Variants in ASXL3 observed in about 807,000 individuals in gnomAD.
ASXL3 encodes putative Polycomb group protein ASXL3.
A neutral mutation model predicts 170.6 loss-of-function variants in ASXL3; 34 were observed. The observed-to-expected ratio is 0.20, with a 90% confidence interval of 0.15 to 0.27. The LOEUF (loss-of-function observed/expected upper bound fraction) is 0.27. Ranked by LOEUF, ASXL3 falls within the 10% of genes least tolerant of loss-of-function variation. The pLI, the probability that ASXL3 is intolerant of heterozygous loss-of-function variation, is 1.00. For missense variants in ASXL3, 2,592 were observed against 2,695.3 expected, an observed-to-expected ratio of 0.96 and a Z score of 0.85; for synonymous variants, 1,002 against 989.1, an observed-to-expected ratio of 1.01 and a Z score of -0.24.
chr18:33,714,775 A>T (rs916129374), intron 8 of ASXL3, among the ~76,000 whole-genome samples: 1 of 151,664 alleles, frequency 6.6e-6, no homozygotes, highest in African/African-American at 2.4e-5. Flanking sequence ...CATCTGACAC[A>T]CATGAATTCA....
chr18:33,592,211 T>A (rs2065084284), intron 1 of ASXL3, among the ~76,000 whole-genome samples: 1 of 152,164 alleles, frequency 6.6e-6, no homozygotes, highest in African/African-American at 2.4e-5. Flanking sequence ...AATAGGACTT[T>A]AATAAAACAG....
chr18:33,587,258 T>TA (rs1236748430), intron 1 of ASXL3, among the ~76,000 whole-genome samples: 1 of 152,212 alleles, frequency 6.6e-6, no homozygotes, highest in Non-Finnish European at 1.5e-5. Flanking sequence ...TTATTTGTTA[T>TA]ACACCACACA....
chr18:33,625,071 A>G (rs1281005102), intron 2 of ASXL3, among the ~76,000 whole-genome samples: 1 of 152,168 alleles, frequency 6.6e-6, no homozygotes, highest in African/African-American at 2.4e-5. Context: ...CATTTAAGAT[A>G]CAGATGGTTA....
At chr18:33,684,324 A>G (rs2066559002) in intron 8 of ASXL3, among the ~76,000 whole-genome samples, 1 of 152,190 alleles carries the variant, frequency 6.6e-6, no homozygotes, top group African/African-American at 2.4e-5. Flanking sequence ...GACTTAATGC[A>G]TGTATATTTA....
intron 8 of ASXL3, among the ~76,000 whole-genome samples, chr18:33,706,519 G>C (rs1224968432): frequency 6.6e-6 from 1 of 151,756 alleles, no homozygotes; most frequent in African/African-American, 2.4e-5. Flanking sequence ...TCCTTACGAG[G>C]ACTGGATATT....
chr18:33,612,925 A>G (rs1446118980), intron 2 of ASXL3, among the ~76,000 whole-genome samples: 1 of 152,098 alleles, frequency 6.6e-6, no homozygotes, highest in African/African-American at 2.4e-5. Context: ...TTAGAATTAC[A>G]GTGTTAGCTC....
chr18:33,727,139 CGTT>C (rs2067365687), intron 8 of ASXL3, among the ~76,000 whole-genome samples: 1 of 151,844 alleles, frequency 6.6e-6, no homozygotes, highest in African/African-American at 2.4e-5. Context: ...AATGACTCCT[CGTT>C]GTCTGTAGAA....
chr18:33,733,821 T>G (rs770974779), intron 9 of ASXL3, among the ~76,000 whole-genome samples: 5 of 152,148 alleles, frequency 3.3e-5, no homozygotes, highest in African/African-American at 4.8e-5. Flanking sequence ...CTGAGCAACC[T>G]TCAAAATCTA....
intron 1 of ASXL3, among the ~76,000 whole-genome samples, chr18:33,585,451 T>A (rs2065027010): frequency 6.6e-6 from 1 of 152,162 alleles, no homozygotes; most frequent in African/African-American, 2.4e-5. Context: ...AATTAACAGC[T>A]TTATCAGTCT....
chr18:33,630,885 T>G (rs983189331), intron 2 of ASXL3, among the ~76,000 whole-genome samples: 2 of 151,970 alleles, frequency 1.3e-5, no homozygotes, highest in Non-Finnish European at 2.9e-5. Context: ...TGAAAATAAT[T>G]TTTTCTTCAA....
At chr18:33,623,079 T>C (rs940160425) in intron 2 of ASXL3, among the ~76,000 whole-genome samples, 1 of 152,186 alleles carries the variant, frequency 6.6e-6, no homozygotes, top group African/African-American at 2.4e-5. Flanking sequence ...GAGCCTCTAA[T>C]GGCCTTCACC....
intron 1 of ASXL3, among the ~76,000 whole-genome samples, chr18:33,596,939 C>T (rs1164651555): frequency 2.6e-5 from 4 of 152,100 alleles, no homozygotes; most frequent in Non-Finnish European, 4.4e-5. Flanking sequence ...CCTTAGCCTC[C>T]TAAGTAGCTA....
At chr18:33,737,587 T>TATCA (rs1260061532) in intron 10 of ASXL3, among the ~76,000 whole-genome samples, 5 of 152,172 alleles carry the variant, frequency 3.3e-5, no homozygotes, top group African/African-American at 1.2e-4. Flanking sequence ...TTTCTGTACC[T>TATCA]ATCACGTATG....
intron 8 of ASXL3, among the ~76,000 whole-genome samples, chr18:33,728,509 A>T (rs1290973296): frequency 6.6e-6 from 1 of 152,188 alleles, no homozygotes; most frequent in African/African-American, 2.4e-5. Flanking sequence ...GATTTCATAG[A>T]GGTATATCAT....
intron 8 of ASXL3, among the ~76,000 whole-genome samples, chr18:33,719,720 T>TAAA (rs1414965156): frequency 6.6e-6 from 1 of 151,944 alleles, no homozygotes; most frequent in Non-Finnish European, 1.5e-5. Context: ...AGTTCTCTTA[T>TAAA]AAGAAACCCC....
intron 2 of ASXL3, among the ~76,000 whole-genome samples, chr18:33,634,330 T>C (rs1378054582): frequency 7.1e-6 from 1 of 140,376 alleles, no homozygotes; most frequent in Non-Finnish European, 1.6e-5. Flanking sequence ...TAGTTGCTTC[T>C]TTTTTTTTTT....
chr18:33,701,059 T>TA (rs1568336367), intron 8 of ASXL3, among the ~76,000 whole-genome samples: 1 of 151,944 alleles, frequency 6.6e-6, no homozygotes, highest in Non-Finnish European at 1.5e-5. Flanking sequence ...CTTTTTTTTT[T>TA]AAAAGTTATT....
intron 1 of ASXL3, among the ~76,000 whole-genome samples, chr18:33,592,588 T>G (rs999003898): frequency 6.6e-6 from 1 of 152,236 alleles, no homozygotes; most frequent in Non-Finnish European, 1.5e-5. Flanking sequence ...TCTGGAAATG[T>G]AGATGTTAGT....
chr18:33,715,728 T>C (rs2067154129), intron 8 of ASXL3, among the ~76,000 whole-genome samples: 1 of 152,208 alleles, frequency 6.6e-6, no homozygotes. Flanking sequence ...AAAATTTGCT[T>C]TTATTACTTA....
Sources: allele counts gnomAD v4.1 joint callset (sites outside exome capture counted in the v4.1 genomes callset), GRCh38; gene constraint gnomAD v4.1.1; transcripts MANE v1.5; gene names NCBI Gene and HGNC (gene_info 2026-07-23, HGNC 2026-07-21).